TGIF1: variants seen among roughly 807,000 people sequenced by gnomAD.
TGIF1 encodes TGFB induced factor homeobox 1, also known as homeobox protein TGIF1.
Under a neutral mutation model 19.3 loss-of-function variants are expected in TGIF1, and 4 were observed. The ratio of observed to expected loss-of-function variants is 0.21; its 90% CI spans 0.10 to 0.47. The LOEUF is 0.47. TGIF1 is among the 20% of genes least tolerant of loss of function. The pLI is 0.98. For synonymous variants in TGIF1, 122 were observed against 129.3 expected (o/e 0.94, Z 0.38); for missense variants, 275 against 341.4 (o/e 0.81, Z 1.53).
Position 3,458,116 on chromosome 18 carries a change from T to TA in TGIF1, c.*179dup. ...ACAGTCATTCCAAGAACTATAAACT[T>TA]AAAGCTACTGTAGAAACAAAGGGTT... On this transcript the variant is annotated 3_prime_UTR_variant, in exon 3 of 3. Transcript: ENST00000343820. The TA allele has an allele frequency of 4.9e-6, 3 of 616,216 alleles. No homozygotes were observed. The South Asian group carries it at 6.5e-5, about 13-fold the overall frequency. The allele number at this position is 616,216 out of a possible 1,614,324, so 38.2% of individuals were successfully genotyped here.
chr18:3,441,301 A>C (rs1282314401), intron 2 of TGIF1, among the ~76,000 whole-genome samples: 1 of 152,180 alleles, frequency 6.6e-6, no homozygotes, highest in Non-Finnish European at 1.5e-5. Flanking sequence ...AGTACTTATA[A>C]ACATTTATAT....
Position 3,457,862 on chromosome 18 carries a change from C to T in TGIF1, c.741C>T (p.Phe247=), listed in dbSNP as rs2143425270. 1 of 1,607,310 alleles carries T rather than the reference C, an allele frequency of 6.2e-7. No homozygotes were observed. ...PPTPPDLNQD[F]SGFQLLVDVA... ...CTCCACCGGACCTCAACCAGGACTTCAGTGGATTTCAGCTTCTAGTGGATG... is the reference window on the plus strand; with the variant it reads ...CTCCACCGGACCTCAACCAGGACTTTAGTGGATTTCAGCTTCTAGTGGATG... Residue 247 remains phenylalanine, a synonymous_variant, in exon 3 of 3, where the codon TTC becomes TTT. Transcript: ENST00000343820. The surrounding 1 kb of genome is among the most constrained non-coding windows in gnomAD (Gnocchi z 4.9).
chr18:3,452,520 T>A, intron 1 of TGIF1: 1 of 1,316,214 alleles, frequency 7.6e-7, no homozygotes, highest in Non-Finnish European at 1.1e-6. Context: ...TCTGAGAAGG[T>A]GGGATTCACG....
chr18:3,428,844 A>C (rs7239556), intron 2 of TGIF1, among the ~76,000 whole-genome samples: 5,742 of 152,146 alleles, frequency 0.038, 380 homozygotes, highest in African/African-American at 0.13. Flanking sequence ...GAGTTCGAGA[A>C]CAGCCTGGGC....
chr18:3,448,045 A>G (rs1004359228), upstream of TGIF1: 1 of 969,820 alleles, frequency 1.0e-6, no homozygotes, highest in Non-Finnish European at 1.2e-6. Flanking sequence ...AGAGGGAAAC[A>G]TTTTTGTCTC....
exon 1 of TGIF1, chr18:3,412,143 C>A (rs964068229): frequency 4.7e-4 from 71 of 152,580 alleles, no homozygotes; most frequent in African/African-American, 1.6e-3. Flanking sequence ...CTCGAGCCTG[C>A]GGTTCCAGCC....
upstream of TGIF1, among the ~76,000 whole-genome samples, chr18:3,448,895 CAG>C (rs1380529288): frequency 6.6e-6 from 1 of 152,080 alleles, no homozygotes; most frequent in East Asian, 1.9e-4. Context: ...AAAAACAGCA[CAG>C]AGCCCAGACT....
At chr18:3,453,930 G>T (rs945649454) in intron 1 of TGIF1, 4 of 723,692 alleles carry the variant, frequency 5.5e-6, no homozygotes, top group Non-Finnish European at 6.8e-6. Context: ...AATAGGAAAT[G>T]AGTAAGGAGG....
intron 2 of TGIF1, among the ~76,000 whole-genome samples, chr18:3,429,893 G>T (rs905320933): frequency 7.9e-5 from 12 of 152,352 alleles, no homozygotes; most frequent in Admixed American, 1.3e-4. Context: ...AGTGGCTTGT[G>T]CCTGTAATCC....
chr18:3,415,430 A>G, intron 1 of TGIF1: 1 of 496,672 alleles, frequency 2.0e-6, no homozygotes, highest in Non-Finnish European at 4.0e-6. Context: ...GTTATTTCTC[A>G]GGCAGAGGAT....
intron 2 of TGIF1, among the ~76,000 whole-genome samples, chr18:3,419,660 G>A (rs1239132535): frequency 6.6e-6 from 1 of 152,104 alleles, no homozygotes; most frequent in Non-Finnish European, 1.5e-5. Flanking sequence ...GACTACCCTT[G>A]GTGTGTATCT....
rs550057650 is a variant in TGIF1 at position 3,451,669 on chromosome 18, G to A, written c.16+1164G>A. 9.9e-5 allele frequency: 115 copies of A among 1,164,928 alleles called. 1 individual carries two copies. In the Middle Eastern group the frequency reaches 1.7e-3, roughly 18 times the overall value. The allele number at this position is 1,164,928 out of a possible 1,614,324, so 72.2% of individuals were successfully genotyped here. ...AGGCCAGCGGGGTTCCTTCGGCTGC[G>A]TTTCTGTGGGAGGCCCTGAAACGCG... is the stretch of plus-strand genomic sequence containing the variant. On this transcript the variant is annotated intron_variant, in intron 1 of 2. Coordinates refer to ENST00000343820, the MANE Select transcript of TGIF1 (RefSeq NM_003244.4). The surrounding 1 kb of genome is among the most constrained non-coding windows in gnomAD (Gnocchi z 5.4).
chr18:3,452,368 T>C (rs1162622267), intron 1 of TGIF1: 17 of 1,613,266 alleles, frequency 1.1e-5, no homozygotes, highest in Non-Finnish European at 1.4e-5. Context: ...CGCCGACTCC[T>C]GGAAACAATG....
At chr18:3,412,418 T>C (rs1372922664) in intron 1 of TGIF1, among the ~76,000 whole-genome samples, 1 of 152,206 alleles carries the variant, frequency 6.6e-6, no homozygotes, top group Non-Finnish European at 1.5e-5. Context: ...ATGTTTACAC[T>C]GAAACAAGCC....
At chr18:3,436,417 C>T (rs2082615050) in intron 2 of TGIF1, among the ~76,000 whole-genome samples, 1 of 152,156 alleles carries the variant, frequency 6.6e-6, no homozygotes, top group African/African-American at 2.4e-5. Flanking sequence ...AGAAGAGAGG[C>T]ACAAAATTTT....
chr18:3,443,411 T>C (rs1356688852), intron 2 of TGIF1, among the ~76,000 whole-genome samples: 1 of 143,146 alleles, frequency 7.0e-6, no homozygotes, highest in Non-Finnish European at 1.5e-5. Context: ...ATAATAATAC[T>C]TTTTTTTTTT....
intron 1 of TGIF1, among the ~76,000 whole-genome samples, chr18:3,412,429 T>C (rs752509652): frequency 1.4e-4 from 22 of 152,340 alleles, no homozygotes; most frequent in Non-Finnish European, 2.8e-4. Context: ...GAAACAAGCC[T>C]GTATCAATGA....
intron 2 of TGIF1, among the ~76,000 whole-genome samples, chr18:3,422,679 T>TGTTTTTTG (rs71366657): frequency 9.4e-6 from 1 of 106,878 alleles, no homozygotes; most frequent in African/African-American, 3.4e-5. Flanking sequence ...TGGCCTTTTT[T>TGTTTTTTG]TTTTTTTTTT....
At chr18:3,425,322 G>C (rs921697209) in intron 2 of TGIF1, among the ~76,000 whole-genome samples, 2 of 152,186 alleles carry the variant, frequency 1.3e-5, no homozygotes, top group African/African-American at 4.8e-5. Context: ...TATAGTTTAC[G>C]TGATGATAGC....
Sources: gnomAD v4.1 joint callset for allele counts (sites outside exome capture counted in the v4.1 genomes callset) on GRCh38, gnomAD v4.1.1 for gene constraint, Gnocchi (gnomAD v3.1) non-coding constraint, MANE v1.5 for transcripts, NCBI Gene and HGNC (gene_info 2026-07-23, HGNC 2026-07-21) for gene names.